The following UBE2V1 variants were observed in gnomAD, a reference collection of about 807,000 sequenced individuals.
UBE2V1 encodes the protein ubiquitin-conjugating enzyme E2 variant 1.
A neutral mutation model predicts 19.6 loss-of-function variants in UBE2V1; 15 were observed. That is an observed-to-expected ratio of 0.77 (90% CI 0.51 to 1.18). The LOEUF is 1.18. Ranked by LOEUF, UBE2V1 falls within the 50% of genes most tolerant of loss-of-function variation. UBE2V1 has a pLI of 0.00. For missense variants in UBE2V1, 125 were observed against 184.8 expected (o/e 0.68, Z 1.88); for synonymous variants, 60 against 60.7 (o/e 0.99, Z 0.05).
rs2078639376 is a variant in UBE2V1 at position 50,081,415 on chromosome 20, A to T, written c.*1353T>A. The T allele has an allele frequency of 6.6e-6, 1 of 152,436 alleles. No individual in the cohort carries two copies. Among genetic ancestry groups the T allele is most frequent in the African/African-American group, 2.4e-5 (1 of 41,374 alleles). 9.4% of individuals were successfully genotyped at this position (152,436 alleles called of 1,614,324 possible). On this transcript the variant is annotated 3_prime_UTR_variant, in exon 4 of 4. Transcript: ENST00000371674. ...TTTCGGTATGCATCCACATTTCAGC[A>T]TTTAGTGGTCCTGAACAGCAAGTGG...
At chr20:50,092,771 G>A (rs1266381702) in intron 2 of UBE2V1, among the ~76,000 whole-genome samples, 2 of 152,142 alleles carry the variant, frequency 1.3e-5, no homozygotes, top group East Asian at 3.8e-4. Flanking sequence ...AAAAAAGGTG[G>A]GGGCACTATT....
chr20:50,095,464 T>A lies in UBE2V1; in HGVS notation c.171+1208A>T, dbSNP rs1009643826. On this transcript the variant is annotated intron_variant, in intron 2 of 3. Transcript: ENST00000371674. ...ATATTTTTAAAACTCCACAAAACTATAGGGTCACAAAATGACTTAAGAAGC... is the reference window on the plus strand; with the variant it reads ...ATATTTTTAAAACTCCACAAAACTAAAGGGTCACAAAATGACTTAAGAAGC... The A allele has an allele frequency of 3.3e-5, 5 of 152,308 alleles. No homozygotes were observed. The East Asian group carries it at 9.6e-4, about 29-fold the overall frequency. The allele number at this position is 152,308 out of a possible 1,614,324, so 9.4% of individuals were successfully genotyped here.
At chr20:50,109,246 G>A in intron 1 of UBE2V1, 1 of 611,568 alleles carries the variant, frequency 1.6e-6, no homozygotes, top group Non-Finnish European at 2.0e-6. Flanking sequence ...ACTTCACTGT[G>A]CCCCTTCAAA....
chr20:50,084,314 A>C, intron 2 of UBE2V1, 60 bp from the exon 3 acceptor site: 1 of 1,609,066 alleles, frequency 6.2e-7, no homozygotes, highest in Non-Finnish European at 8.5e-7. Context: ...AAAAAGGTAG[A>C]GCTTGTGAAA....
chr20:50,089,049 A>AG (rs1453261088), intron 2 of UBE2V1, among the ~76,000 whole-genome samples: 1 of 152,204 alleles, frequency 6.6e-6, no homozygotes. Flanking sequence ...TCAGGAAAAA[A>AG]GACTCCACAC....
At chr20:50,094,064 TTATA>T (rs201405769) in intron 2 of UBE2V1, among the ~76,000 whole-genome samples, 1 of 138,834 alleles carries the variant, frequency 7.2e-6, no homozygotes, top group African/African-American at 2.7e-5. Context: ...ATTATGTATG[TTATA>T]TATATAATAT....
chr20:50,093,858 G>A (rs956159217), intron 2 of UBE2V1, among the ~76,000 whole-genome samples: 4 of 150,492 alleles, frequency 2.7e-5, no homozygotes, highest in East Asian at 1.9e-4. Context: ...GCGTGGTGGC[G>A]GGTACCTGTA....
At position 50,082,729 on chromosome 20, in the gene UBE2V1, T is replaced by C. The variant is rs371693730; in HGVS notation, c.*39A>G. The C allele has an allele frequency of 1.2e-5, 19 of 1,597,104 alleles. No individual in the cohort carries two copies. Among genetic ancestry groups the C allele is most frequent in the African/African-American group, 5.4e-5 (4 of 74,144 alleles). ...GAAAATGAAGACTGATTAAATCGAA[T>C]TGGGGGGAAGGGGAAGGGCCTGTGG... On this transcript the variant is annotated 3_prime_UTR_variant, in exon 4 of 4. Coordinates refer to ENST00000371674, the MANE Select transcript of UBE2V1 (RefSeq NM_001032288.3).
chr20:50,088,227 G>A (rs6067346), intron 2 of UBE2V1, among the ~76,000 whole-genome samples: 151 of 152,154 alleles, frequency 9.9e-4, no homozygotes, highest in Admixed American at 2.2e-3. Flanking sequence ...TTGCCACGAG[G>A]AGCCAGAGAT....
rs777847910 is a variant in UBE2V1 at position 50,084,275 on chromosome 20, G to C, written c.172-21C>G. 7.5e-6 allele frequency: 12 copies of C among 1,610,418 alleles called. 1 individual carries two copies. In the South Asian group the frequency reaches 1.3e-4, roughly 18 times the overall value. ...ATTGTCTGGAAAAAAAGAGTACGGA[G>C]ATGTCACGCAATTACAAACAAAGCA... On this transcript the variant is annotated intron_variant, in intron 2 of 3. Transcript: ENST00000371674.
At chr20:50,083,564 A>C (rs2078739385) in intron 3 of UBE2V1, among the ~76,000 whole-genome samples, 1 of 152,172 alleles carries the variant, frequency 6.6e-6, no homozygotes, top group African/African-American at 2.4e-5. Context: ...TCCCTTCAAC[A>C]CTTGCTGATC....
intron 2 of UBE2V1, among the ~76,000 whole-genome samples, chr20:50,090,556 GAC>G (rs2079160514): frequency 6.6e-6 from 1 of 151,770 alleles, no homozygotes; most frequent in African/African-American, 2.4e-5. Flanking sequence ...AAATCAGCCA[GAC>G]ACAGAAAGAC....
rs2080551710 is a variant in UBE2V1 at position 50,108,718 on chromosome 20, T to G, written c.22+4389A>C. Among the ~76,000 whole-genome samples the G allele has an allele frequency of 2.0e-5, 3 of 152,214 alleles. No homozygotes were observed. In the South Asian group the frequency reaches 6.2e-4, roughly 32 times the overall value. ...ATGTAAATAAGGATGAGGTACTACT[T>G]TGTACCTGCCATGATGGGGCTCCAA... On this transcript the variant is annotated intron_variant, in intron 1 of 3. Coordinates refer to ENST00000371674, the MANE Select transcript of UBE2V1 (RefSeq NM_001032288.3).
intron 1 of UBE2V1, chr20:50,108,850 G>A (rs2080560107): frequency 1.2e-6 from 1 of 800,346 alleles, no homozygotes; most frequent in Non-Finnish European, 1.5e-6. Flanking sequence ...ACAAACAGTG[G>A]CCAGAGATGC....
At chr20:50,101,571 CAAAAAA>C (rs11481618) in intron 1 of UBE2V1, among the ~76,000 whole-genome samples, 452 of 71,180 alleles carry the variant, frequency 6.4e-3, no homozygotes, top group African/African-American at 0.02. Context: ...CATTTATAAG[CAAAAAA>C]AAAAAAAAAA....
intron 2 of UBE2V1, chr20:50,084,840 C>T (rs2078819938): frequency 9.7e-6 from 2 of 206,642 alleles, no homozygotes; most frequent in South Asian, 1.3e-4. Context: ...GGTAGTCTGA[C>T]CTGAGAGATT....
At chr20:50,108,526 G>A (rs975508323) in intron 1 of UBE2V1, among the ~76,000 whole-genome samples, 3 of 152,160 alleles carry the variant, frequency 2.0e-5, no homozygotes, top group African/African-American at 7.2e-5. Flanking sequence ...AGAGCACCCA[G>A]GCTCTGCACC....
intron 1 of UBE2V1, among the ~76,000 whole-genome samples, chr20:50,103,701 C>T (rs1309166332): frequency 1.3e-5 from 2 of 151,880 alleles, no homozygotes; most frequent in South Asian, 2.1e-4. Flanking sequence ...CCATTGCACC[C>T]GGCCTGACTA....
intron 1 of UBE2V1, among the ~76,000 whole-genome samples, chr20:50,104,796 G>A (rs1336249620): frequency 1.3e-5 from 2 of 151,470 alleles, no homozygotes; most frequent in Non-Finnish European, 2.9e-5. Flanking sequence ...GCGCAATCTC[G>A]GCTCACTTCA....
Sources: allele counts gnomAD v4.1 joint callset (sites outside exome capture counted in the v4.1 genomes callset), GRCh38; gene constraint gnomAD v4.1.1; transcripts MANE v1.5; gene names NCBI Gene and HGNC (gene_info 2026-07-23, HGNC 2026-07-21).